SCMH1: variants seen among roughly 807,000 people sequenced by gnomAD.
SCMH1 encodes Scm polycomb group protein homolog 1, also known as polycomb protein SCMH1.
Under a neutral mutation model 70.8 loss-of-function variants are expected in SCMH1, and 37 were observed. The observed-to-expected ratio is 0.52, with a 90% CI of 0.40 to 0.69. The LOEUF (loss-of-function observed/expected upper bound fraction) is 0.69, where lower values mean the gene tolerates loss of function less well. Among genes scored for constraint, SCMH1 ranks in the 30% least tolerant of loss-of-function variants. SCMH1 has a pLI of 0.00. For synonymous variants in SCMH1, 292 were observed against 307.4 expected (o/e 0.95, Z 0.52); for missense variants, 607 against 827.3 (o/e 0.73, Z 3.27).
At chr1:41,109,366 C>A (rs1418641748) in intron 8 of SCMH1, among the ~76,000 whole-genome samples, 1 of 152,060 alleles carries the variant, frequency 6.6e-6, no homozygotes, top group Non-Finnish European at 1.5e-5. Flanking sequence ...ATACTAATGA[C>A]CAGAAGGTAG....
At chr1:41,110,056 C>T (rs1377596429) in intron 8 of SCMH1, among the ~76,000 whole-genome samples, 2 of 152,202 alleles carry the variant, frequency 1.3e-5, no homozygotes, top group African/African-American at 4.8e-5. Flanking sequence ...GCTGCTTCCA[C>T]AGAGCTATTA....
intron 1 of SCMH1, among the ~76,000 whole-genome samples, chr1:41,200,820 A>G (rs921225183): frequency 6.6e-6 from 1 of 152,212 alleles, no homozygotes; most frequent in South Asian, 2.1e-4. Context: ...GCATGTCATC[A>G]TCTATAAACA....
rs117713146 is a variant in SCMH1 at position 41,208,919 on chromosome 1, A to C, written c.-117-22669T>G. Reference sequence around the variant, plus strand: ...GAGAGAGAAACATAAAAAACCCTTCAAAAAAATCAATAAATCCAGGAACTG... The same window carrying C: ...GAGAGAGAAACATAAAAAACCCTTCCAAAAAATCAATAAATCCAGGAACTG... On this transcript the variant is annotated intron_variant, in intron 1 of 14. Transcript: ENST00000337495. Among the ~76,000 whole-genome samples, 51 of 152,288 alleles carry C rather than the reference A, an allele frequency of 3.3e-4. 1 individual carries two copies. The East Asian group carries it at 8.5e-3, about 25-fold the overall frequency.
In SCMH1 at chr1:41,037,422, G is replaced by A. The variant is rs137901426; in HGVS notation, c.1618C>T (p.Leu540Phe). 451 of 1,614,234 alleles carry A rather than the reference G, an allele frequency of 2.8e-4. 3 individuals carry two copies. The South Asian group carries it at 4.6e-3, about 16-fold the overall frequency. Reference sequence around the variant, plus strand: ...CTTGGTGGGAGGCCACAGGATGAAAGCAAGGGCCGGTGCCTTTGGGAGGTG... The same window carrying A: ...CTTGGTGGGAGGCCACAGGATGAAAACAAGGGCCGGTGCCTTTGGGAGGTG... The change falls in exon 13 of 15, where the codon CTT (leucine) becomes TTT (phenylalanine). Residue 540 changes from leucine to phenylalanine, a missense_variant. By Grantham distance (22) the Leu-to-Phe change is conservative (BLOSUM62 0). Transcript: ENST00000337495.
At chr1:41,217,078 T>C (rs1214085847) in intron 1 of SCMH1, among the ~76,000 whole-genome samples, 1 of 152,114 alleles carries the variant, frequency 6.6e-6, no homozygotes, top group Non-Finnish European at 1.5e-5. Flanking sequence ...CTGAAAGAAT[T>C]TTGAGATGCT....
chr1:41,092,255 A>G (rs1356371899), intron 8 of SCMH1, among the ~76,000 whole-genome samples: 1 of 152,224 alleles, frequency 6.6e-6, no homozygotes, highest in Middle Eastern at 3.2e-3. Flanking sequence ...CAAACCTGAG[A>G]AAAACAAGAA....
intron 1 of SCMH1, among the ~76,000 whole-genome samples, chr1:41,223,870 A>T (rs991560550): frequency 2.6e-5 from 4 of 152,152 alleles, no homozygotes; most frequent in African/African-American, 7.2e-5. Flanking sequence ...ACAACACTCA[A>T]GGGATAGTCT....
At chr1:41,125,220 C>G (rs923186669) in intron 6 of SCMH1, among the ~76,000 whole-genome samples, 6 of 151,920 alleles carry the variant, frequency 3.9e-5, no homozygotes, top group Admixed American at 2.6e-4. Flanking sequence ...CTCATTCCTT[C>G]TATATATTTT....
rs189829489 is a variant in SCMH1 at position 41,198,759 on chromosome 1, C to T, written c.-117-12509G>A. 3.3e-5 allele frequency among the ~76,000 whole-genome samples: 5 copies of T among 152,166 alleles called. No individual in the cohort carries two copies. In the East Asian group the frequency reaches 9.7e-4, roughly 29 times the overall value. The stretch of plus-strand genomic sequence containing the variant: ...TAACAGAATATGTCCAATATTTCAC[C>T]GTTAAAAAGTAAATGATAGAGTCTG... On this transcript the variant is annotated intron_variant, in intron 1 of 14. Coordinates refer to ENST00000337495, the Ensembl canonical transcript of SCMH1.
At chr1:41,212,187 T>A (rs1267886060) in intron 1 of SCMH1, among the ~76,000 whole-genome samples, 3 of 152,008 alleles carry the variant, frequency 2.0e-5, no homozygotes, top group African/African-American at 7.3e-5. Flanking sequence ...ACAAAACAAG[T>A]CGGGCACTTT....
chr1:41,149,039 C>T (rs1435205447), intron 5 of SCMH1, among the ~76,000 whole-genome samples: 1 of 152,140 alleles, frequency 6.6e-6, no homozygotes, highest in Non-Finnish European at 1.5e-5. Context: ...GATCCGCCCA[C>T]CTCAGCCTCC....
At chr1:41,127,112 G>A (rs1173411346) in intron 6 of SCMH1, among the ~76,000 whole-genome samples, 2 of 152,090 alleles carry the variant, frequency 1.3e-5, no homozygotes, top group Non-Finnish European at 1.5e-5. Context: ...ATTTTATTAT[G>A]AGTGGTGTGA....
exon 15 of SCMH1, chr1:41,027,567 C>T (rs1435872041): frequency 6.6e-6 from 1 of 152,256 alleles, no homozygotes; most frequent in African/African-American, 2.4e-5. Context: ...ATGGGTCTCT[C>T]CACCTCAAAG....
At chr1:41,053,459 A>C (rs1459920006) in intron 10 of SCMH1, among the ~76,000 whole-genome samples, 1 of 152,200 alleles carries the variant, frequency 6.6e-6, no homozygotes, top group Non-Finnish European at 1.5e-5. Context: ...TGTGTGAGGA[A>C]GCAAAGCCAC....
chr1:41,101,655 G>C (rs946968815), intron 8 of SCMH1, among the ~76,000 whole-genome samples: 2 of 149,422 alleles, frequency 1.3e-5, no homozygotes, highest in Non-Finnish European at 3.0e-5. Flanking sequence ...TTTCATTTTG[G>C]AGAAAATGTC....
intron 1 of SCMH1, among the ~76,000 whole-genome samples, chr1:41,208,393 A>G (rs1305706208): frequency 6.9e-6 from 1 of 145,378 alleles, no homozygotes; most frequent in African/African-American, 2.5e-5. Flanking sequence ...AACCTGCACA[A>G]TGTGCACATG....
chr1:41,200,243 T>C (rs1460168196), intron 1 of SCMH1, among the ~76,000 whole-genome samples: 1 of 152,006 alleles, frequency 6.6e-6, no homozygotes, highest in East Asian at 1.9e-4. Context: ...TTTGGGAGGC[T>C]GAGGCGGGTG....
intron 13 of SCMH1, among the ~76,000 whole-genome samples, chr1:41,032,768 A>T (rs1377605078): frequency 6.6e-6 from 1 of 152,050 alleles, no homozygotes; most frequent in Non-Finnish European, 1.5e-5. Flanking sequence ...TCACGAGGTC[A>T]GGAGTTCAAG....
At chr1:41,116,833 T>A in intron 7 of SCMH1, 89 bp downstream of exon 7, 1 of 1,003,252 alleles carries the variant, frequency 1.0e-6, no homozygotes, top group Non-Finnish European at 1.4e-6. Context: ...TGAGAAGGCA[T>A]CTTCAGGCCA....
Sources: allele counts gnomAD v4.1 joint callset (sites outside exome capture counted in the v4.1 genomes callset), GRCh38; gene constraint gnomAD v4.1.1; transcripts MANE v1.5; gene names NCBI Gene and HGNC (gene_info 2026-07-23, HGNC 2026-07-21).